Variants in HPSE2 observed in about 807,000 individuals in gnomAD.
HPSE2 encodes inactive heparanase-2.
Under a neutral mutation model 60.5 loss-of-function variants are expected in HPSE2, and 38 were observed. That is an observed-to-expected ratio of 0.63 (90% confidence interval 0.48 to 0.82). The LOEUF is 0.82. Among genes scored for constraint, HPSE2 ranks in the 40% least tolerant of loss-of-function variants. The probability of loss-of-function intolerance (pLI) is 0.00; values close to 1 mark genes in which losing one functional copy is unlikely to be tolerated. For synonymous variants in HPSE2, 295 were observed against 293.2 expected (o/e 1.01, Z -0.06); for missense variants, 713 against 740.4 (o/e 0.96, Z 0.43).
intron 9 of HPSE2, among the ~76,000 whole-genome samples, chr10:98,614,042 G>A (rs1945831685): frequency 6.6e-6 from 1 of 152,024 alleles, no homozygotes; most frequent in Admixed American, 6.6e-5. Flanking sequence ...TGACGCTCTT[G>A]GTAAATCCCC....
At chr10:98,737,474 A>C (rs1949387634) in intron 4 of HPSE2, among the ~76,000 whole-genome samples, 2 of 144,296 alleles carry the variant, frequency 1.4e-5, no homozygotes, top group Non-Finnish European at 3.0e-5. Flanking sequence ...AGCACTATCC[A>C]TCACAGCATA....
chr10:99,305,975 G>GCACACACACACA, the HPSE2 span, among the ~76,000 whole-genome samples: 54 of 48,112 alleles, frequency 1.1e-3, no homozygotes, highest in South Asian at 4.9e-3. Flanking sequence ...GCGCGCGCGC[G>GCACACACACACA]CGCGCACACA....
At chr10:98,813,816 A>G (rs1951222772) in intron 3 of HPSE2, among the ~76,000 whole-genome samples, 1 of 152,188 alleles carries the variant, frequency 6.6e-6, no homozygotes, top group Non-Finnish European at 1.5e-5. Context: ...GCTTTAGTGA[A>G]CCAATCAATA....
intron 3 of HPSE2, among the ~76,000 whole-genome samples, chr10:98,798,406 CAGTA>C (rs1950828680): frequency 6.6e-6 from 1 of 152,106 alleles, no homozygotes; most frequent in Non-Finnish European, 1.5e-5. Context: ...TCAATGGTAA[CAGTA>C]AGCACACATG....
chr10:99,061,256 C>G (rs186015891), intron 3 of HPSE2, among the ~76,000 whole-genome samples: 4 of 152,230 alleles, frequency 2.6e-5, no homozygotes, highest in African/African-American at 9.6e-5. Context: ...GACTCCAACT[C>G]TAGTGTCCCA....
chr10:99,014,478 G>A (rs1957090073), intron 3 of HPSE2, among the ~76,000 whole-genome samples: 1 of 152,090 alleles, frequency 6.6e-6, no homozygotes, highest in Non-Finnish European at 1.5e-5. Context: ...CTCAGTAATG[G>A]GATTGCTGGG....
chr10:98,920,057 A>G (rs1045586092), intron 3 of HPSE2, among the ~76,000 whole-genome samples: 1 of 152,114 alleles, frequency 6.6e-6, no homozygotes. Context: ...GTATGTTTAG[A>G]TCCATTGCAG....
intron 3 of HPSE2, among the ~76,000 whole-genome samples, chr10:99,136,286 T>C (rs562154091): frequency 1.8e-4 from 27 of 152,182 alleles, no homozygotes; most frequent in South Asian, 4.2e-4. Context: ...ACCAGACAGA[T>C]TCACAGCCGA....
intron 3 of HPSE2, among the ~76,000 whole-genome samples, chr10:98,804,549 A>G (rs1950996588): frequency 1.3e-5 from 2 of 152,208 alleles, no homozygotes; most frequent in Non-Finnish European, 1.5e-5. Flanking sequence ...ATCATTGATC[A>G]TCAGAGAAAT....
intron 3 of HPSE2, among the ~76,000 whole-genome samples, chr10:98,924,919 G>A (rs541702420): frequency 6.6e-6 from 1 of 152,200 alleles, no homozygotes; most frequent in Non-Finnish European, 1.5e-5. Flanking sequence ...CCCCCCTCTG[G>A]CTAGGGCTGG....
intron 4 of HPSE2, among the ~76,000 whole-genome samples, chr10:98,722,560 A>G (rs1287236799): frequency 1.3e-5 from 2 of 152,154 alleles, no homozygotes; most frequent in Admixed American, 1.3e-4. Flanking sequence ...AAGAAGTGAA[A>G]TCTTCATAAA....
At chr10:99,035,342 G>A (rs1247438668) in intron 3 of HPSE2, among the ~76,000 whole-genome samples, 2 of 152,150 alleles carry the variant, frequency 1.3e-5, no homozygotes, top group Non-Finnish European at 2.9e-5. Context: ...ACAGGATCAA[G>A]ATCATCAATA....
At chr10:98,726,790 G>C (rs1398871271) in intron 4 of HPSE2, among the ~76,000 whole-genome samples, 2 of 151,834 alleles carry the variant, frequency 1.3e-5, no homozygotes, top group Non-Finnish European at 2.9e-5. Context: ...ATAGAAGTGT[G>C]GATAGTAGGA....
At chr10:98,628,853 A>C in intron 7 of HPSE2, among the ~76,000 whole-genome samples, 1 of 152,180 alleles carries the variant, frequency 6.6e-6, no homozygotes, top group East Asian at 1.9e-4. Flanking sequence ...AGGGGAGACT[A>C]GAGAAAACAG....
intron 3 of HPSE2, among the ~76,000 whole-genome samples, chr10:98,958,068 C>G (rs1427074404): frequency 6.6e-6 from 1 of 152,064 alleles, no homozygotes; most frequent in Non-Finnish European, 1.5e-5. Context: ...CACTGATCTT[C>G]CAGAAAGTTC....
At chr10:98,734,032 T>C (rs938725106) in intron 4 of HPSE2, among the ~76,000 whole-genome samples, 1 of 152,194 alleles carries the variant, frequency 6.6e-6, no homozygotes, top group Non-Finnish European at 1.5e-5. Flanking sequence ...TCCCCAGCCC[T>C]AAGCAAACAC....
intron 3 of HPSE2, among the ~76,000 whole-genome samples, chr10:99,119,560 T>A (rs1002226128): frequency 6.6e-6 from 1 of 152,182 alleles, no homozygotes; most frequent in Non-Finnish European, 1.5e-5. Flanking sequence ...AAACTACCAA[T>A]GGCATTCTTC....
At chr10:98,691,270 T>G (rs553318375) in intron 6 of HPSE2, among the ~76,000 whole-genome samples, 1 of 152,208 alleles carries the variant, frequency 6.6e-6, no homozygotes, top group Non-Finnish European at 1.5e-5. Flanking sequence ...ATGCTGATCC[T>G]GGAGCCAAAA....
At chr10:98,460,846 G>A (rs776488300) in intron 11 of HPSE2, among the ~76,000 whole-genome samples, 3 of 152,188 alleles carry the variant, frequency 2.0e-5, no homozygotes, top group Non-Finnish European at 4.4e-5. Context: ...ACCTATCCTT[G>A]ACCTATGGTA....
Sources: gnomAD v4.1 joint callset for allele counts (sites outside exome capture counted in the v4.1 genomes callset) on GRCh38, gnomAD v4.1.1 for gene constraint, MANE v1.5 for transcripts, NCBI Gene and HGNC (gene_info 2026-07-23, HGNC 2026-07-21) for gene names.